GRK5: variants seen among roughly 807,000 people sequenced by gnomAD.
GRK5 encodes G protein-coupled receptor kinase 5, also known as g protein-coupled receptor kinase GRK5.
GRK5 carries 40 observed loss-of-function variants against 78.4 expected under a neutral mutation model. The ratio of observed to expected loss-of-function variants is 0.51; its 90% CI spans 0.40 to 0.66. The LOEUF is 0.66. Among genes scored for constraint, GRK5 ranks in the 30% least tolerant of loss-of-function variants. The probability of loss-of-function intolerance (pLI) is 0.00; values close to 1 mark genes in which losing one functional copy is unlikely to be tolerated. For missense variants in GRK5, 598 were observed against 759.9 expected, an observed-to-expected ratio of 0.79 and a Z score of 2.50; for synonymous variants, 289 against 296.8, an observed-to-expected ratio of 0.97 and a Z score of 0.27.
rs1044945542 is a variant in GRK5 at position 119,338,479 on chromosome 10, G to A, written c.148+11868G>A. Among the ~76,000 whole-genome samples the A allele has an allele frequency of 2.0e-5, 3 of 152,248 alleles. No individual in the cohort carries two copies. In the East Asian group the frequency reaches 5.8e-4, roughly 29 times the overall value. On this transcript the variant is annotated intron_variant, in intron 2 of 15. Coordinates refer to ENST00000392870, the MANE Select transcript of GRK5 (RefSeq NM_005308.3). ...TTTTTTCCCCATACATATACATGTGGTTTTGTTTCTTACCTCTTTTCTTAA... is the reference window on the plus strand; with the variant it reads ...TTTTTTCCCCATACATATACATGTGATTTTGTTTCTTACCTCTTTTCTTAA...
At chr10:119,380,500 G>A (rs1851693769) in intron 2 of GRK5, among the ~76,000 whole-genome samples, 1 of 152,226 alleles carries the variant, frequency 6.6e-6, no homozygotes, top group Non-Finnish European at 1.5e-5. Context: ...TGTAATCAGA[G>A]AATGTGATGT....
chr10:119,236,148 G>T (rs1341074645), intron 1 of GRK5, among the ~76,000 whole-genome samples: 3 of 152,184 alleles, frequency 2.0e-5, no homozygotes, highest in African/African-American at 7.2e-5. Context: ...GGCCGAGGCA[G>T]GCTGATCACC....
chr10:119,412,873 C>T lies in GRK5; in HGVS notation c.340-10293C>T, dbSNP rs1466782080. On this transcript the variant is annotated intron_variant, in intron 4 of 15. Transcript: ENST00000392870. This position sits in a 1 kb window ranked among gnomAD's most constrained non-coding sequence, Gnocchi z 4.3. ...ACCCTCTGCTTTCCCCACCCCAGAC[C>T]CCGTCGCTGCAGCTGGGTGAGCAGG... Among the ~76,000 whole-genome samples, 1 of 152,168 alleles carries T rather than the reference C, an allele frequency of 6.6e-6. No homozygotes were observed. The highest frequency in any genetic ancestry group is 1.5e-5 in the Non-Finnish European group (1 of 68,034).
intron 1 of GRK5, among the ~76,000 whole-genome samples, chr10:119,294,866 C>T (rs10886442): frequency 0.29 from 44,238 of 152,034 alleles, 7,491 homozygotes; most frequent in East Asian, 0.68. Context: ...TCTGCAAAGA[C>T]AAAGCCTCTT....
chr10:119,212,205 G>A (rs975791949), intron 1 of GRK5, among the ~76,000 whole-genome samples: 1 of 151,816 alleles, frequency 6.6e-6, no homozygotes, highest in African/African-American at 2.4e-5. Context: ...CTTGGAGGTA[G>A]AGAAACCAAA....
intron 1 of GRK5, among the ~76,000 whole-genome samples, chr10:119,236,519 A>G (rs1024119942): frequency 6.6e-6 from 1 of 152,078 alleles, no homozygotes; most frequent in East Asian, 1.9e-4. Context: ...TGGCCCCTAC[A>G]CACTATTTTA....
chr10:119,232,169 C>T (rs1196013778), intron 1 of GRK5, among the ~76,000 whole-genome samples: 2 of 152,174 alleles, frequency 1.3e-5, no homozygotes, highest in Non-Finnish European at 2.9e-5. Context: ...GAAGTCTTGC[C>T]ATTCGCAGCA....
At chr10:119,266,035 G>A (rs1433181097) in intron 1 of GRK5, among the ~76,000 whole-genome samples, 3 of 152,188 alleles carry the variant, frequency 2.0e-5, no homozygotes, top group African/African-American at 7.2e-5. Context: ...AGGCTACCAG[G>A]AGACAGAGGG....
intron 1 of GRK5, among the ~76,000 whole-genome samples, chr10:119,241,770 G>A (rs952971730): frequency 3.3e-5 from 5 of 152,178 alleles, no homozygotes; most frequent in Admixed American, 1.3e-4. Context: ...GCCCTCTTAG[G>A]TTCATTGGTT....
rs551840275 is a variant in GRK5, at chr10:119,306,728, C to T, written c.53-19788C>T. Among the ~76,000 whole-genome samples, 34 of 152,170 alleles carry T rather than the reference C, an allele frequency of 2.2e-4. No individual in the cohort carries two copies. In the East Asian group the frequency reaches 4.6e-3, roughly 21 times the overall value. On this transcript the variant is annotated intron_variant, in intron 1 of 15. Coordinates refer to ENST00000392870, the MANE Select transcript of GRK5 (RefSeq NM_005308.3). ...GGTGGGTGGGGTGTGAGGATCTGGC[C>T]GGGGCCGCTGCACCTGCAGGTGTTT...
chr10:119,441,388 G>A (rs905237042), intron 10 of GRK5, among the ~76,000 whole-genome samples: 2 of 152,210 alleles, frequency 1.3e-5, no homozygotes, highest in African/African-American at 4.8e-5. Flanking sequence ...ACCCTGCCCA[G>A]GTGGGCTGTG....
At chr10:119,261,610 T>C (rs569139937) in intron 1 of GRK5, among the ~76,000 whole-genome samples, 32 of 152,342 alleles carry the variant, frequency 2.1e-4, no homozygotes, top group African/African-American at 6.5e-4. Context: ...CTGGGCGCCA[T>C]TGAGCACTGA....
intron 4 of GRK5, among the ~76,000 whole-genome samples, chr10:119,400,698 C>T (rs371513316): frequency 7.2e-5 from 11 of 152,064 alleles, no homozygotes; most frequent in African/African-American, 2.7e-4. Context: ...GCCAGTGCTT[C>T]GAGTGCCACT....
intron 4 of GRK5, among the ~76,000 whole-genome samples, chr10:119,401,972 G>T (rs1440835203): frequency 6.6e-6 from 1 of 152,218 alleles, no homozygotes; most frequent in Non-Finnish European, 1.5e-5. Context: ...TCCTCCCTGG[G>T]TGACTCAGGG....
rs1397748619 is a variant in GRK5, at chr10:119,264,503, C to T, written c.52+56534C>T. On this transcript the variant is annotated intron_variant, in intron 1 of 15. Coordinates refer to ENST00000392870, the MANE Select transcript of GRK5 (RefSeq NM_005308.3). This position sits in a 1 kb window ranked among gnomAD's most constrained non-coding sequence, Gnocchi z 4.1. ...CTTCTCCCCATGACGATAAAGATGG[C>T]CAGTGGCTGTGTGTCCTTAAAGTTA... Among the ~76,000 whole-genome samples, 1 of 152,152 alleles carries T rather than the reference C, an allele frequency of 6.6e-6. No individual in the cohort carries two copies. Among genetic ancestry groups the T allele is most frequent in the Non-Finnish European group, 1.5e-5 (1 of 68,036 alleles).
chr10:119,425,764 C>T (rs1048950407), intron 6 of GRK5, among the ~76,000 whole-genome samples: 1 of 152,244 alleles, frequency 6.6e-6, no homozygotes, highest in East Asian at 1.9e-4. Flanking sequence ...GACCAAGTGT[C>T]TTTTCTTGTG....
At chr10:119,427,454 GCCATCATCAGCATCACCA>G (rs1852714743) in intron 6 of GRK5, among the ~76,000 whole-genome samples, 6 of 141,304 alleles carry the variant, frequency 4.2e-5, no homozygotes, top group African/African-American at 1.3e-4. Flanking sequence ...CAGCATCACC[GCCATCATCAGCATCACCA>G]CCATCATCAG....
intron 1 of GRK5, among the ~76,000 whole-genome samples, chr10:119,298,151 A>C (rs1425057145): frequency 6.6e-6 from 1 of 152,192 alleles, no homozygotes; most frequent in African/African-American, 2.4e-5. Context: ...CACTGTACAT[A>C]TCTTGTTTAA....
chr10:119,431,571 G>C lies in GRK5; in HGVS notation c.738+44G>C. On this transcript the variant is annotated intron_variant, in intron 8 of 15. Coordinates refer to ENST00000392870, the MANE Select transcript of GRK5 (RefSeq NM_005308.3). This position sits in a 1 kb window ranked among gnomAD's most constrained non-coding sequence, Gnocchi z 4.8. Reference sequence around the variant, plus strand: ...CCAGTGACCGGCTCGCCCTTCTGTGGACTGGGGCTTCCCTCCCTCCGGAAG... The same window carrying C: ...CCAGTGACCGGCTCGCCCTTCTGTGCACTGGGGCTTCCCTCCCTCCGGAAG... 5 of 1,593,422 alleles carry C rather than the reference G, an allele frequency of 3.1e-6. No individual in the cohort carries two copies. The highest frequency in any genetic ancestry group is 4.3e-6 in the Non-Finnish European group (5 of 1,168,996).
Sources: gnomAD v4.1 joint callset for allele counts (sites outside exome capture counted in the v4.1 genomes callset) on GRCh38, gnomAD v4.1.1 for gene constraint, Gnocchi (gnomAD v3.1) non-coding constraint, MANE v1.5 for transcripts, NCBI Gene and HGNC (gene_info 2026-07-23, HGNC 2026-07-21) for gene names.